Variants in RFX7 observed in about 807,000 individuals in gnomAD.
RFX7 encodes the protein DNA-binding protein RFX7.
In RFX7, 26 loss-of-function variants were observed where a neutral mutation model predicts 111.8. The observed-to-expected ratio is 0.23, with a 90% confidence interval of 0.17 to 0.32. The LOEUF (loss-of-function observed/expected upper bound fraction) is 0.32, where lower values mean the gene tolerates loss of function less well. Ranked by LOEUF, RFX7 falls within the 10% of genes least tolerant of loss-of-function variation. The pLI is 1.00. For missense variants in RFX7, 1,573 were observed against 1,772.9 expected, an observed-to-expected ratio of 0.89 and a Z score of 2.02; for synonymous variants, 624 against 624.4, an observed-to-expected ratio of 1.00 and a Z score of 0.01.
chr15:56,206,552 C>A (rs2043254166), intron 2 of RFX7, among the ~76,000 whole-genome samples: 1 of 152,130 alleles, frequency 6.6e-6, no homozygotes. Flanking sequence ...ATCTGCACTC[C>A]CATGTTTACT....
At chr15:56,189,512 C>G (rs1423698289) in intron 2 of RFX7, among the ~76,000 whole-genome samples, 4 of 151,438 alleles carry the variant, frequency 2.6e-5, no homozygotes, top group African/African-American at 9.7e-5. Context: ...AAGACTTATG[C>G]CCAGAATACA....
At chr15:56,105,069 A>G (rs906294215) in intron 5 of RFX7, among the ~76,000 whole-genome samples, 33 of 152,190 alleles carry the variant, frequency 2.2e-4, no homozygotes, top group African/African-American at 8.0e-4. Flanking sequence ...TGAGTTCTTT[A>G]TGGTTCAAAC....
chr15:56,124,026 C>T (rs2042110446), intron 5 of RFX7, among the ~76,000 whole-genome samples: 1 of 152,154 alleles, frequency 6.6e-6, no homozygotes. Context: ...CTGGTTCTTA[C>T]ATTTTTGTGT....
chr15:56,199,275 G>C (rs2043172403), intron 2 of RFX7, among the ~76,000 whole-genome samples: 1 of 152,084 alleles, frequency 6.6e-6, no homozygotes, highest in African/African-American at 2.4e-5. Flanking sequence ...GAAAGTGTAG[G>C]ATATAATGAC....
At chr15:56,175,754 A>G (rs1446526918) in intron 3 of RFX7, among the ~76,000 whole-genome samples, 1 of 152,200 alleles carries the variant, frequency 6.6e-6, no homozygotes, top group African/African-American at 2.4e-5. Flanking sequence ...GAAAAACACT[A>G]CAACTATAAA....
chr15:56,243,033 C>T, intron 2 of RFX7, 92 bp downstream of exon 2: 2 of 745,700 alleles, frequency 2.7e-6, no homozygotes. Flanking sequence ...CATCAGCCTC[C>T]TCCTCCGCTC....
chr15:56,125,472 C>T (rs2042130474), intron 5 of RFX7, among the ~76,000 whole-genome samples: 1 of 152,014 alleles, frequency 6.6e-6, no homozygotes, highest in Admixed American at 6.6e-5. Flanking sequence ...ATTAATTCTT[C>T]TGATCTATGA....
At chr15:56,218,877 A>G (rs1485360315) in intron 2 of RFX7, among the ~76,000 whole-genome samples, 3 of 152,226 alleles carry the variant, frequency 2.0e-5, no homozygotes, top group African/African-American at 4.8e-5. Context: ...CTACACACCA[A>G]TATCAGATAA....
At chr15:56,197,430 C>T (rs1407441416) in intron 2 of RFX7, among the ~76,000 whole-genome samples, 2 of 152,130 alleles carry the variant, frequency 1.3e-5, no homozygotes, top group Non-Finnish European at 2.9e-5. Flanking sequence ...TTACCGTGAG[C>T]TCCCAAAGTT....
Position 56,087,828 on chromosome 15 carries a change from A to G in RFX7, c.*5517T>C, listed in dbSNP as rs1296073627. ...GAGACTGACATATTTTAGGCACTTT[A>G]TCATCTGTTAAAAAAAAAGTCCCAT... On this transcript the variant is annotated 3_prime_UTR_variant, in exon 10 of 10. Transcript: ENST00000559447. 1 of 297,426 alleles carries G rather than the reference A, an allele frequency of 3.4e-6. No homozygotes were observed. Among genetic ancestry groups the G allele is most frequent in the East Asian group, 8.6e-5 (1 of 11,640 alleles). 18.4% of individuals were successfully genotyped at this position (297,426 alleles called of 1,614,324 possible).
At chr15:56,206,209 C>CA (rs34361238) in intron 2 of RFX7, among the ~76,000 whole-genome samples, 46 of 145,766 alleles carry the variant, frequency 3.2e-4, no homozygotes, top group African/African-American at 7.6e-4. Flanking sequence ...GATAAATGGA[C>CA]AAAAAAAAAT....
chr15:56,140,003 C>T (rs1278213849), intron 5 of RFX7, among the ~76,000 whole-genome samples: 1 of 152,024 alleles, frequency 6.6e-6, no homozygotes, highest in South Asian at 2.1e-4. Context: ...GCTGGGAGAA[C>T]CACTGCTCTC....
At chr15:56,217,032 T>G (rs1340274727) in intron 2 of RFX7, among the ~76,000 whole-genome samples, 1 of 152,152 alleles carries the variant, frequency 6.6e-6, no homozygotes, top group African/African-American at 2.4e-5. Flanking sequence ...AACATAAAAA[T>G]GGTTAAAACA....
At chr15:56,213,329 C>T (rs2141200430) in intron 2 of RFX7, among the ~76,000 whole-genome samples, 1 of 152,216 alleles carries the variant, frequency 6.6e-6, no homozygotes, top group African/African-American at 2.4e-5. Context: ...TGTGATATAT[C>T]CATATCATGA....
At chr15:56,215,360 AAAG>A (rs1449777548) in intron 2 of RFX7, among the ~76,000 whole-genome samples, 2 of 152,236 alleles carry the variant, frequency 1.3e-5, no homozygotes, top group African/African-American at 4.8e-5. Context: ...TCATCAAGTT[AAAG>A]AAGTCCCCTT....
intron 2 of RFX7, among the ~76,000 whole-genome samples, chr15:56,205,724 G>C (rs2043243339): frequency 6.6e-6 from 1 of 152,130 alleles, no homozygotes; most frequent in Non-Finnish European, 1.5e-5. Context: ...ACATATATTA[G>C]TGAAGCATGA....
intron 3 of RFX7, among the ~76,000 whole-genome samples, chr15:56,156,860 A>T (rs1299121528): frequency 6.6e-6 from 1 of 152,224 alleles, no homozygotes; most frequent in African/African-American, 2.4e-5. Flanking sequence ...GTAGCTCTAA[A>T]ATTTTAATAT....
chr15:56,202,172 G>T (rs745653050), intron 2 of RFX7, among the ~76,000 whole-genome samples: 1 of 152,006 alleles, frequency 6.6e-6, no homozygotes, highest in Admixed American at 6.5e-5. Context: ...ATCACTTCGC[G>T]GGAGAAGTGC....
intron 2 of RFX7, among the ~76,000 whole-genome samples, chr15:56,237,716 T>C (rs2141242817): frequency 6.6e-6 from 1 of 152,266 alleles, no homozygotes; most frequent in African/African-American, 2.4e-5. Context: ...ACATATCCAC[T>C]ACCCAACCTA....
Sources: allele counts gnomAD v4.1 joint callset (sites outside exome capture counted in the v4.1 genomes callset), GRCh38; gene constraint gnomAD v4.1.1; transcripts MANE v1.5; gene names NCBI Gene and HGNC (gene_info 2026-07-23, HGNC 2026-07-21).